PRPSAP1: variants seen among roughly 807,000 people sequenced by gnomAD.
The protein encoded by PRPSAP1 is phosphoribosyl pyrophosphate synthase-associated protein 1.
Under a neutral mutation model 39.4 loss-of-function variants are expected in PRPSAP1, and 31 were observed. That is an observed-to-expected ratio of 0.79 (90% CI 0.59 to 1.06). PRPSAP1 has a LOEUF of 1.06. Among genes scored for constraint, PRPSAP1 ranks in the 50% least tolerant of loss-of-function variants. The pLI is 0.00. For synonymous variants in PRPSAP1, 212 were observed against 192.6 expected (o/e 1.10, Z -0.83); for missense variants, 430 against 511.6 (o/e 0.84, Z 1.54).
At chr17:76,340,804 T>C (rs4789280) in intron 3 of PRPSAP1, among the ~76,000 whole-genome samples, 28,745 of 150,696 alleles carry the variant, frequency 0.19, 3,565 homozygotes, top group African/African-American at 0.36. Flanking sequence ...GCAGGAGAAT[T>C]GCTTGAACCT....
rs140846117 is a variant in PRPSAP1, at chr17:76,351,088, A to G, written c.170+2446T>C. On this transcript the variant is annotated intron_variant, in intron 1 of 9. Coordinates refer to ENST00000446526, the MANE Select transcript of PRPSAP1 (RefSeq NM_002766.3). ...AAAAGGTAAACTTTATGTTATGTAT[A>G]TAACAATTTTTAAAAATACTCCAGG... 1.5e-3 allele frequency among the ~76,000 whole-genome samples: 232 copies of G among 152,246 alleles called. 1 individual carries two copies. Among genetic ancestry groups the G allele is most frequent in the African/African-American group, 5.5e-3 (230 of 41,554 alleles).
At chr17:76,312,731 T>A in intron 9 of PRPSAP1, 139 bp downstream of exon 9, 1 of 1,103,946 alleles carries the variant, frequency 9.1e-7, no homozygotes, top group Non-Finnish European at 1.3e-6. Context: ...TAAACATGTA[T>A]CTGTCCCAAC....
intron 7 of PRPSAP1, among the ~76,000 whole-genome samples, chr17:76,320,325 A>AAGAG (rs2071178990): frequency 7.9e-6 from 1 of 126,886 alleles, no homozygotes; most frequent in East Asian, 2.5e-4. Flanking sequence ...GGAAGGGAAG[A>AAGAG]AGGGAGGGAG....
intron 3 of PRPSAP1, among the ~76,000 whole-genome samples, chr17:76,337,731 G>A (rs2071394849): frequency 3.3e-5 from 5 of 152,128 alleles, no homozygotes; most frequent in African/African-American, 4.8e-5. Context: ...TCAGCCTTCC[G>A]AATATCTGGG....
chr17:76,337,702 T>C (rs1465030026), intron 3 of PRPSAP1, among the ~76,000 whole-genome samples: 1 of 152,164 alleles, frequency 6.6e-6, no homozygotes, highest in East Asian at 1.9e-4. Context: ...GCCTTCCGGG[T>C]TCAATCGATT....
intron 7 of PRPSAP1, among the ~76,000 whole-genome samples, chr17:76,324,835 G>A (rs2071234851): frequency 6.6e-6 from 1 of 151,708 alleles, no homozygotes; most frequent in South Asian, 2.1e-4. Flanking sequence ...GCCAAGGCGG[G>A]CGGATCATGA....
intron 7 of PRPSAP1, among the ~76,000 whole-genome samples, chr17:76,317,396 T>A (rs926450747): frequency 6.6e-6 from 1 of 151,846 alleles, no homozygotes; most frequent in African/African-American, 2.4e-5. Context: ...TGGTGGCTCA[T>A]GCCCATAATC....
At chr17:76,319,669 G>C (rs6501885) in intron 7 of PRPSAP1, among the ~76,000 whole-genome samples, 1 of 151,562 alleles carries the variant, frequency 6.6e-6, no homozygotes, top group Non-Finnish European at 1.5e-5. Flanking sequence ...GGGTTTCACC[G>C]TGTTGGCCAG....
At position 76,313,896 on chromosome 17, in the gene PRPSAP1, C is replaced by T. The variant is rs372729768; in HGVS notation, c.782-5G>A. 1.9e-6 allele frequency: 3 copies of T among 1,613,864 alleles called. No individual in the cohort carries two copies. The South Asian group carries it at 3.3e-5, about 18-fold the overall frequency. On this transcript the variant is annotated splice_region_variant and splice_polypyrimidine_tract_variant and intron_variant, in intron 7 of 9. Transcript: ENST00000446526. The stretch of plus-strand genomic sequence containing the variant: ...GCTTCTCTTTGGCCATCATCACTAG[C>T]AAAACAAAACAAATTACAAGATCTC...
chr17:76,344,102 C>G (rs1459804775), intron 3 of PRPSAP1, among the ~76,000 whole-genome samples: 2 of 151,104 alleles, frequency 1.3e-5, no homozygotes. Context: ...TGCCACCATG[C>G]CCAGCTAACT....
At chr17:76,343,809 G>C (rs371693462) in intron 3 of PRPSAP1, among the ~76,000 whole-genome samples, 33 of 152,166 alleles carry the variant, frequency 2.2e-4, no homozygotes, top group African/African-American at 7.9e-4. Context: ...CACTCCAGCC[G>C]GGGTGACAGA....
At chr17:76,347,202 G>A (rs1007954261) in intron 2 of PRPSAP1, among the ~76,000 whole-genome samples, 1 of 150,288 alleles carries the variant, frequency 6.7e-6, no homozygotes, top group Non-Finnish European at 1.5e-5. Flanking sequence ...AGCAGACAGA[G>A]TGGGCCGGGC....
chr17:76,330,847 T>A (rs1462516285), intron 4 of PRPSAP1, among the ~76,000 whole-genome samples, 181 bp from the exon 5 acceptor site: 1 of 152,204 alleles, frequency 6.6e-6, no homozygotes, highest in African/African-American at 2.4e-5. Flanking sequence ...TAGAGAAGGC[T>A]ACAACCTTCC....
rs747709288 is a variant in PRPSAP1, at chr17:76,313,887, C to T, written c.786G>A (p.Met262Ile). Residue 262 changes from methionine to isoleucine, a missense_variant, in exon 8 of 10, where the codon ATG becomes ATA. This residue lies in a region of PRPSAP1 where 278 missense variants were observed against 376.3 expected (regional missense o/e 0.74). Coordinates refer to ENST00000446526, the MANE Select transcript of PRPSAP1 (RefSeq NM_002766.3). ...TVHPGLELPL[M>I]MAKEKPPITV... Reference sequence around the variant, plus strand: ...TTATCGGTGGCTTCTCTTTGGCCATCATCACTAGCAAAACAAAACAAATTA... The same window carrying T: ...TTATCGGTGGCTTCTCTTTGGCCATTATCACTAGCAAAACAAAACAAATTA... 2 of 1,614,020 alleles carry T rather than the reference C, an allele frequency of 1.2e-6. No homozygotes were observed. The highest frequency in any genetic ancestry group is 1.7e-6 in the Non-Finnish European group (2 of 1,180,026).
intron 7 of PRPSAP1, among the ~76,000 whole-genome samples, chr17:76,320,300 A>G (rs1486369844): frequency 1.2e-5 from 1 of 85,642 alleles, no homozygotes. Context: ...GAAAGAAAGA[A>G]AAGAAAGGAA....
intron 3 of PRPSAP1, among the ~76,000 whole-genome samples, chr17:76,340,488 G>A (rs1362430375): frequency 6.9e-6 from 1 of 144,104 alleles, no homozygotes; most frequent in African/African-American, 2.8e-5. Context: ...TACTTATATT[G>A]AGCACTCTTG....
At position 76,353,822 on chromosome 17, in the gene PRPSAP1, G is replaced by A. The variant is rs1421241932; in HGVS notation, c.-119C>T. 2 of 1,384,386 alleles carry A rather than the reference G, an allele frequency of 1.4e-6. No individual in the cohort carries two copies. Among genetic ancestry groups the A allele is most frequent in the Non-Finnish European group, 1.9e-6 (2 of 1,077,492 alleles). The allele number at this position is 1,384,386 out of a possible 1,614,324, so 85.8% of individuals were successfully genotyped here. On this transcript the variant is annotated 5_prime_UTR_variant, in exon 1 of 10. Coordinates refer to ENST00000446526, the MANE Select transcript of PRPSAP1 (RefSeq NM_002766.3). Reference sequence around the variant, plus strand: ...CTGAGAAACTCGGCGCAAGCGGGGAGAGCTCCGAGGTCCGTGCCCTTGCGC... The same window carrying A: ...CTGAGAAACTCGGCGCAAGCGGGGAAAGCTCCGAGGTCCGTGCCCTTGCGC...
Position 76,353,845 on chromosome 17 carries a change from C to T in PRPSAP1, c.-142G>A, listed in dbSNP as rs2071612135. ...GAGAGCTCCGAGGTCCGTGCCCTTG[C>T]GCACCCCACACCACTGACTACAGCG... On this transcript the variant is annotated 5_prime_UTR_variant, in exon 1 of 10. Transcript: ENST00000446526. 4 of 1,374,522 alleles carry T rather than the reference C, an allele frequency of 2.9e-6. No homozygotes were observed. The highest frequency in any genetic ancestry group is 1.7e-5 in the South Asian group (1 of 60,308). The allele number at this position is 1,374,522 out of a possible 1,614,324, so 85.1% of individuals were successfully genotyped here. A position where few individuals can be genotyped will look rare whatever the true frequency, so the allele number is the denominator to read the frequency against.
At chr17:76,321,141 A>C (rs2071193339) in intron 7 of PRPSAP1, among the ~76,000 whole-genome samples, 1 of 151,980 alleles carries the variant, frequency 6.6e-6, no homozygotes, top group African/African-American at 2.4e-5. Context: ...ACATTTTGGT[A>C]ATTCTTGCAA....
Sources: allele counts gnomAD v4.1 joint callset (sites outside exome capture counted in the v4.1 genomes callset), GRCh38; gene constraint gnomAD v4.1.1; regional missense constraint gnomAD v4.1.1; transcripts MANE v1.5; gene names NCBI Gene and HGNC (gene_info 2026-07-23, HGNC 2026-07-21).